Variants in ELAVL2 observed in about 807,000 individuals in gnomAD.
The protein encoded by ELAVL2 is ELAV-like protein 2.
Under a neutral mutation model 34.6 loss-of-function variants are expected in ELAVL2, and 4 were observed. The observed-to-expected ratio is 0.12, with a 90% confidence interval of 0.06 to 0.26. The LOEUF is 0.26. ELAVL2 is among the 10% of genes least tolerant of loss of function. The probability of loss-of-function intolerance (pLI) is 1.00; values close to 1 mark genes in which losing one functional copy is unlikely to be tolerated. For synonymous variants in ELAVL2, 193 were observed against 154.8 expected (o/e 1.25, Z -1.83); for missense variants, 432 against 442.8 (o/e 0.98, Z 0.22).
chr9:23,777,698 G>A (rs993255580), intron 1 of ELAVL2, among the ~76,000 whole-genome samples: 3 of 152,112 alleles, frequency 2.0e-5, no homozygotes, highest in South Asian at 4.1e-4. Flanking sequence ...CACTGCACTG[G>A]AACAGTAATT....
At chr9:23,767,270 G>C (rs2056469235) in intron 1 of ELAVL2, among the ~76,000 whole-genome samples, 1 of 152,162 alleles carries the variant, frequency 6.6e-6, no homozygotes, top group South Asian at 2.1e-4. Context: ...TTTCACAATA[G>C]TGGAATTTAG....
Position 23,737,751 on chromosome 9 carries a change from G to A in ELAVL2, c.230-6626C>T, listed in dbSNP as rs147258325. ...TTTATGAAATAAAAGAATAAAAGCCGTGTGAATCTTTTTCAAATCCCACAG... is the reference window on the plus strand; with the variant it reads ...TTTATGAAATAAAAGAATAAAAGCCATGTGAATCTTTTTCAAATCCCACAG... On this transcript the variant is annotated intron_variant, in intron 2 of 6. Transcript: ENST00000397312. Among the ~76,000 whole-genome samples the A allele has an allele frequency of 2.8e-3, 423 of 152,240 alleles. 1 individual carries two copies. Among genetic ancestry groups the A allele is most frequent in the African/African-American group, 7.1e-3 (295 of 41,528 alleles).
In ELAVL2 at chr9:23,702,974, A is replaced by C. The variant is rs13288247; in HGVS notation, c.488-1370T>G. ...AGCAAAAAAAAAAAAAAAAAAAAAA[A>C]AAAAAAACAGCCTCTACACAGCTAG... On this transcript the variant is annotated intron_variant, in intron 4 of 6. Transcript: ENST00000397312. Among the ~76,000 whole-genome samples, 77 of 139,380 alleles carry C rather than the reference A, an allele frequency of 5.5e-4. 1 individual carries two copies. The highest frequency in any genetic ancestry group is 3.6e-3 in the Middle Eastern group (1 of 278). 91.4% of individuals were successfully genotyped at this position (139,380 alleles called of 152,430 possible).
intron 1 of ELAVL2, among the ~76,000 whole-genome samples, chr9:23,804,181 ATT>A (rs34753432): frequency 7.8e-4 from 115 of 147,282 alleles, no homozygotes; most frequent in African/African-American, 2.8e-3. Flanking sequence ...TTATTTATTT[ATT>A]TTTTTTTTGA....
the ELAVL2 span, among the ~76,000 whole-genome samples, chr9:23,834,619 C>A: frequency 6.6e-6 from 1 of 151,982 alleles, no homozygotes; most frequent in Non-Finnish European, 1.5e-5. Flanking sequence ...TTTGATGGAG[C>A]CAGAATTAGA....
intron 1 of ELAVL2, among the ~76,000 whole-genome samples, chr9:23,775,625 G>A (rs1008598687): frequency 2.6e-5 from 4 of 152,028 alleles, no homozygotes; most frequent in African/African-American, 9.7e-5. Flanking sequence ...CTCTTTTAAA[G>A]CTCTGCTCAC....
chr9:23,787,423 G>T (rs1415431427), intron 1 of ELAVL2, among the ~76,000 whole-genome samples: 1 of 151,786 alleles, frequency 6.6e-6, no homozygotes, highest in East Asian at 1.9e-4. Context: ...ATAGAGATGG[G>T]TTTCCACCAT....
intron 1 of ELAVL2, among the ~76,000 whole-genome samples, chr9:23,782,386 T>A (rs1367605731): frequency 6.6e-6 from 1 of 151,410 alleles, no homozygotes; most frequent in Admixed American, 6.6e-5. Flanking sequence ...AATACAAAAA[T>A]TAAAAATACA....
the ELAVL2 span, among the ~76,000 whole-genome samples, chr9:23,840,200 G>T: frequency 6.6e-6 from 1 of 152,162 alleles, no homozygotes; most frequent in Non-Finnish European, 1.5e-5. Flanking sequence ...AGCATTAAGT[G>T]ACTAAAGTAT....
intron 2 of ELAVL2, among the ~76,000 whole-genome samples, chr9:23,761,509 C>A (rs1239975568): frequency 6.6e-6 from 1 of 151,990 alleles, no homozygotes; most frequent in Non-Finnish European, 1.5e-5. Flanking sequence ...AACATAAGAT[C>A]TCATCACGCT....
chr9:23,753,441 G>A lies in ELAVL2; in HGVS notation c.229+8565C>T, dbSNP rs879016989. Among the ~76,000 whole-genome samples the A allele has an allele frequency of 2.0e-5, 3 of 151,968 alleles. 1 individual carries two copies. Among genetic ancestry groups the A allele is most frequent in the Admixed American group, 2.0e-4 (3 of 15,240 alleles). On this transcript the variant is annotated intron_variant, in intron 2 of 6. Transcript: ENST00000397312. ...AAACAAAGTTAAAAAAAAAATAAAAGGCTGGTGGCCAAAGCTGTGTCATAG... is the reference window on the plus strand; with the variant it reads ...AAACAAAGTTAAAAAAAAAATAAAAAGCTGGTGGCCAAAGCTGTGTCATAG...
At chr9:23,755,260 T>C (rs959527980) in intron 2 of ELAVL2, among the ~76,000 whole-genome samples, 6 of 152,200 alleles carry the variant, frequency 3.9e-5, no homozygotes, top group Admixed American at 1.3e-4. Flanking sequence ...TGTACTGTAT[T>C]TGATTTCTTA....
intron 5 of ELAVL2, among the ~76,000 whole-genome samples, chr9:23,694,868 T>C (rs1192894115): frequency 6.6e-6 from 1 of 151,604 alleles, no homozygotes; most frequent in East Asian, 1.9e-4. Context: ...TCTGTGTGCG[T>C]GGTGCGTGTG....
rs117443447 is a variant in ELAVL2 at position 23,738,696 on chromosome 9, C to A, written c.230-7571G>T. 8.7e-3 allele frequency among the ~76,000 whole-genome samples: 1,321 copies of A among 152,266 alleles called. 16 individuals carry two copies. Among genetic ancestry groups the A allele is most frequent in the East Asian group, 0.061 (313 of 5,166 alleles). Reference sequence around the variant, plus strand: ...AATGATTTTCAGGACTTTACAGATACATGGAGCTAATATAGAAGAGTTTAA... The same window carrying A: ...AATGATTTTCAGGACTTTACAGATAAATGGAGCTAATATAGAAGAGTTTAA... On this transcript the variant is annotated intron_variant, in intron 2 of 6. Transcript: ENST00000397312.
chr9:23,712,431 T>A (rs1205543546), intron 3 of ELAVL2, among the ~76,000 whole-genome samples: 1 of 152,096 alleles, frequency 6.6e-6, no homozygotes, highest in African/African-American at 2.4e-5. Context: ...TGTATACACA[T>A]AAGGAAATAA....
intron 1 of ELAVL2, among the ~76,000 whole-genome samples, chr9:23,797,757 C>T (rs1438992289): frequency 2.6e-5 from 4 of 151,974 alleles, no homozygotes; most frequent in East Asian, 3.9e-4. Context: ...GAGAAAACCC[C>T]GCCTCTGCTA....
At chr9:23,779,418 A>G (rs1457225233) in intron 1 of ELAVL2, 24 of 985,212 alleles carry the variant, frequency 2.4e-5, no homozygotes, top group African/African-American at 5.2e-5. Context: ...ACAGCAATGG[A>G]AGATCTGGGA....
intron 1 of ELAVL2, among the ~76,000 whole-genome samples, chr9:23,781,841 C>T (rs1434105758): frequency 2.6e-5 from 4 of 152,046 alleles, no homozygotes; most frequent in Non-Finnish European, 5.9e-5. Context: ...ACCGCCACCA[C>T]GCCCGGCTAA....
the ELAVL2 span, among the ~76,000 whole-genome samples, chr9:23,849,181 A>T: frequency 6.6e-6 from 1 of 152,316 alleles, no homozygotes; most frequent in South Asian, 2.1e-4. Context: ...ATTTAAAAAC[A>T]AAAGGGATTA....
Sources: allele counts gnomAD v4.1 joint callset (sites outside exome capture counted in the v4.1 genomes callset), GRCh38; gene constraint gnomAD v4.1.1; transcripts MANE v1.5; gene names NCBI Gene and HGNC (gene_info 2026-07-23, HGNC 2026-07-21).